Variants in SOX6 observed in about 807,000 individuals in gnomAD.
The protein encoded by SOX6 is transcription factor SOX-6.
Under a neutral mutation model 97.8 loss-of-function variants are expected in SOX6, and 11 were observed. The ratio of observed to expected loss-of-function variants is 0.11; its 90% CI spans 0.07 to 0.19. The LOEUF (loss-of-function observed/expected upper bound fraction) is 0.19. Ranked by LOEUF, SOX6 falls within the 10% of genes least tolerant of loss-of-function variation. The probability of loss-of-function intolerance (pLI) is 1.00; values close to 1 mark genes in which losing one functional copy is unlikely to be tolerated. For missense variants in SOX6, 810 were observed against 1,039.5 expected, an observed-to-expected ratio of 0.78 and a Z score of 3.04; for synonymous variants, 360 against 371.4, an observed-to-expected ratio of 0.97 and a Z score of 0.35.
intron 6 of SOX6, among the ~76,000 whole-genome samples, chr11:16,176,116 A>T (rs1190543074): frequency 1.4e-5 from 2 of 141,460 alleles, no homozygotes; most frequent in Admixed American, 6.9e-5. Flanking sequence ...TGGATGAGAC[A>T]GAGAGAGAGA....
chr11:16,315,151 T>C lies in SOX6; in HGVS notation c.445+3295A>G, dbSNP rs1342751362. On this transcript the variant is annotated intron_variant, in intron 3 of 15. Transcript: ENST00000683767. ...TGAGGTTTCACCATGTTGGCCAGGA[T>C]GGTCTTGATCTCCTGACCTCGTGAG... 3.3e-5 allele frequency: 5 copies of C among 152,212 alleles called. No individual in the cohort carries two copies. In the East Asian group the frequency reaches 9.6e-4, roughly 29 times the overall value. 9.4% of individuals were successfully genotyped at this position (152,212 alleles called of 1,614,324 possible). A position where few individuals can be genotyped will look rare whatever the true frequency, so the allele number is the denominator to read the frequency against.
At chr11:16,208,684 C>G (rs1390895568) in intron 4 of SOX6, among the ~76,000 whole-genome samples, 1 of 152,128 alleles carries the variant, frequency 6.6e-6, no homozygotes, top group African/African-American at 2.4e-5. Context: ...TCCAAATTAG[C>G]AAATATGGTA....
upstream of SOX6, among the ~76,000 whole-genome samples, chr11:16,358,995 A>G (rs1427982602): frequency 2.0e-5 from 3 of 152,194 alleles, no homozygotes; most frequent in Non-Finnish European, 4.4e-5. Context: ...TATAAATAAG[A>G]CAGCAACTTC....
chr11:16,396,226 T>G (rs1394933410), intron 1 of SOX6, among the ~76,000 whole-genome samples: 1 of 151,686 alleles, frequency 6.6e-6, no homozygotes, highest in East Asian at 1.9e-4. Context: ...AAACAAAGCA[T>G]TTAGCACACA....
At chr11:16,368,389 T>C (rs896050908) in intron 1 of SOX6, among the ~76,000 whole-genome samples, 2 of 152,044 alleles carry the variant, frequency 1.3e-5, no homozygotes, top group African/African-American at 4.8e-5. Context: ...GGCTGAGGCA[T>C]GTGAATCATT....
intron 4 of SOX6, among the ~76,000 whole-genome samples, chr11:16,522,429 C>T (rs548397664): frequency 3.6e-4 from 55 of 152,038 alleles, no homozygotes; most frequent in African/African-American, 1.3e-3. Flanking sequence ...GAAGCAAATG[C>T]TGAGAGATTT....
At chr11:16,693,552 T>C (rs981103393) in intron 3 of SOX6, among the ~76,000 whole-genome samples, 1 of 152,140 alleles carries the variant, frequency 6.6e-6, no homozygotes, top group African/African-American at 2.4e-5. Context: ...TTTTAATATA[T>C]AGAAGCTTTA....
intron 1 of SOX6, among the ~76,000 whole-genome samples, chr11:16,738,046 A>T (rs950353001): frequency 2.0e-5 from 3 of 152,178 alleles, no homozygotes; most frequent in Non-Finnish European, 2.9e-5. Context: ...TGAAAACTTA[A>T]CAGATTTCCC....
chr11:16,425,174 C>G (rs1301819802), intron 1 of SOX6, among the ~76,000 whole-genome samples: 1 of 152,244 alleles, frequency 6.6e-6, no homozygotes, highest in Non-Finnish European at 1.5e-5. Context: ...TCCCTTTGGA[C>G]TGGCCCAATG....
chr11:16,378,641 A>G (rs1350386477), intron 1 of SOX6, among the ~76,000 whole-genome samples: 3 of 152,074 alleles, frequency 2.0e-5, no homozygotes, highest in Non-Finnish European at 4.4e-5. Flanking sequence ...TAGGAAAATT[A>G]AAGGTAAAAA....
intron 1 of SOX6, among the ~76,000 whole-genome samples, chr11:16,363,127 C>A (rs1857252739): frequency 6.6e-6 from 1 of 152,080 alleles, no homozygotes. Context: ...CAAATTAAAC[C>A]ACCTCTAAGA....
At chr11:16,146,385 A>C (rs1850298371) in intron 6 of SOX6, among the ~76,000 whole-genome samples, 1 of 152,232 alleles carries the variant, frequency 6.6e-6, no homozygotes, top group Non-Finnish European at 1.5e-5. Context: ...GTTAGACCTA[A>C]AACCATAAAA....
chr11:16,035,289 C>T (rs918382268), intron 12 of SOX6, among the ~76,000 whole-genome samples: 1 of 152,166 alleles, frequency 6.6e-6, no homozygotes, highest in Admixed American at 6.5e-5. Flanking sequence ...TTTGAAGTCT[C>T]TCAAGTTCAA....
At chr11:16,414,193 G>A (rs1858879253) in intron 1 of SOX6, among the ~76,000 whole-genome samples, 1 of 152,190 alleles carries the variant, frequency 6.6e-6, no homozygotes, top group Admixed American at 6.5e-5. Context: ...GATAATGAGA[G>A]TGATGTGCCA....
chr11:16,319,855 T>TA (rs398040254), intron 2 of SOX6, among the ~76,000 whole-genome samples: 1 of 150,974 alleles, frequency 6.6e-6, no homozygotes, highest in Non-Finnish European at 1.5e-5. Flanking sequence ...TTTTTTTTTT[T>TA]ATTTTACAAA....
intron 4 of SOX6, among the ~76,000 whole-genome samples, chr11:16,509,391 T>C (rs889450351): frequency 2.6e-5 from 4 of 152,052 alleles, no homozygotes; most frequent in Non-Finnish European, 5.9e-5. Context: ...AGTATATTAA[T>C]TGCAAGCATC....
intron 1 of SOX6, among the ~76,000 whole-genome samples, chr11:16,454,317 G>A (rs1160212615): frequency 6.6e-6 from 1 of 151,974 alleles, no homozygotes; most frequent in Non-Finnish European, 1.5e-5. Context: ...AAAATTATAT[G>A]ACACCTCATC....
intron 3 of SOX6, among the ~76,000 whole-genome samples, chr11:16,618,886 T>C (rs1848504617): frequency 6.6e-6 from 1 of 152,068 alleles, no homozygotes; most frequent in Non-Finnish European, 1.5e-5. Context: ...CTCTGAATGC[T>C]ACACATTTGC....
intron 4 of SOX6, among the ~76,000 whole-genome samples, chr11:16,206,152 A>G (rs549885505): frequency 6.6e-6 from 1 of 152,244 alleles, no homozygotes; most frequent in African/African-American, 2.4e-5. Flanking sequence ...ATGTACAACT[A>G]GCATTAACTT....
Sources: allele counts gnomAD v4.1 joint callset (sites outside exome capture counted in the v4.1 genomes callset), GRCh38; gene constraint gnomAD v4.1.1; transcripts MANE v1.5; gene names NCBI Gene and HGNC (gene_info 2026-07-23, HGNC 2026-07-21).